CCDC7: variants seen among roughly 807,000 people sequenced by gnomAD.
CCDC7 encodes coiled-coil domain containing 7.
Under a neutral mutation model 196.9 loss-of-function variants are expected in CCDC7, and 183 were observed. That is an observed-to-expected ratio of 0.93 (90% CI 0.82 to 1.05). The LOEUF (loss-of-function observed/expected upper bound fraction) is 1.05, where lower values mean the gene tolerates loss of function less well. CCDC7 is among the 50% of genes least tolerant of loss of function. CCDC7 has a pLI of 0.00. For missense variants in CCDC7, 1,540 were observed against 1,482.2 expected, an observed-to-expected ratio of 1.04 and a Z score of -0.64; for synonymous variants, 525 against 484.6, an observed-to-expected ratio of 1.08 and a Z score of -1.10.
chr10:32,799,017 T>C (rs1056221456), intron 29 of CCDC7, among the ~76,000 whole-genome samples: 12 of 152,168 alleles, frequency 7.9e-5, no homozygotes, highest in Non-Finnish European at 1.6e-4. Context: ...TACTTGTGCC[T>C]TTAGGAGCTG....
chr10:32,855,337 C>T (rs1039859572), intron 41 of CCDC7, among the ~76,000 whole-genome samples: 11 of 151,772 alleles, frequency 7.2e-5, no homozygotes, highest in South Asian at 4.2e-4. Flanking sequence ...ATGATTCAGG[C>T]GCATTACATT....
Position 32,487,180 on chromosome 10 carries a change from C to T in CCDC7, c.797-4742C>T, listed in dbSNP as rs1034067774. Among the ~76,000 whole-genome samples the T allele has an allele frequency of 4.8e-4, 73 of 152,184 alleles. 2 individuals carry two copies. The highest frequency in any genetic ancestry group is 1.4e-3 in the East Asian group (7 of 5,182). ...TCCCATATTTCTTGGAGGCTTTGTT[C>T]GTTTCTTTTTATTCTTTTTTCTCTA... On this transcript the variant is annotated intron_variant, in intron 8 of 41. Transcript: ENST00000639629.
downstream of CCDC7, chr10:32,876,750 T>C (rs867423402): frequency 2.8e-5 from 5 of 179,730 alleles, no homozygotes; most frequent in Non-Finnish European, 4.6e-5. Flanking sequence ...AAAAAATATA[T>C]GACAATAACC....
chr10:32,512,019 T>G, intron 9 of CCDC7: 1 of 389,052 alleles, frequency 2.6e-6, no homozygotes. Context: ...AGACATATTC[T>G]TCAGGATCTT....
chr10:32,777,655 G>A (rs1008716771), intron 28 of CCDC7, among the ~76,000 whole-genome samples: 4 of 151,422 alleles, frequency 2.6e-5, no homozygotes, highest in Non-Finnish European at 2.9e-5. Context: ...TCAAGAGTTC[G>A]AAACCAACCA....
At chr10:32,447,586 G>A (rs1458643522), upstream of CCDC7, among the ~76,000 whole-genome samples, 1 of 152,080 alleles carries the variant, frequency 6.6e-6, no homozygotes, top group African/African-American at 2.4e-5. Flanking sequence ...AAAGCATCGT[G>A]TCACAATCGG....
exon 17 of CCDC7, chr10:32,583,174 A>C (rs1360241565): frequency 3.3e-5 from 41 of 1,231,518 alleles, no homozygotes; most frequent in Non-Finnish European, 4.1e-5. Context: ...TCAGAGACCC[A>C]TGATAAATCA....
chr10:32,722,221 TC>T (rs1481931481), intron 25 of CCDC7, among the ~76,000 whole-genome samples: 1 of 152,114 alleles, frequency 6.6e-6, no homozygotes, highest in Admixed American at 6.6e-5. Context: ...AGAGCAATTT[TC>T]TTTGGGGCTT....
intron 21 of CCDC7, among the ~76,000 whole-genome samples, chr10:32,675,133 T>C (rs2140885656): frequency 6.6e-6 from 1 of 152,228 alleles, no homozygotes; most frequent in Non-Finnish European, 1.5e-5. Flanking sequence ...ACTATTGCAA[T>C]TATATTGTTT....
At chr10:32,834,207 T>C (rs546780443) in intron 32 of CCDC7, among the ~76,000 whole-genome samples, 1 of 152,220 alleles carries the variant, frequency 6.6e-6, no homozygotes, top group East Asian at 1.9e-4. Context: ...GGGCACGTTC[T>C]ACCAGTCCAC....
chr10:32,451,852 A>G (rs754161819), exon 1 of CCDC7: 8 of 1,614,030 alleles, frequency 5.0e-6, no homozygotes, highest in Non-Finnish European at 5.9e-6. Context: ...TGCCCATTCC[A>G]TCGAGTAAGA....
At chr10:32,811,477 C>T (rs11815525) in intron 30 of CCDC7, among the ~76,000 whole-genome samples, 13,050 of 151,994 alleles carry the variant, frequency 0.086, 881 homozygotes, top group South Asian at 0.25. Flanking sequence ...TTAATGGGTA[C>T]TACAAACGTG....
At chr10:32,466,591 A>G (rs978487573) in intron 5 of CCDC7, among the ~76,000 whole-genome samples, 1 of 152,198 alleles carries the variant, frequency 6.6e-6, no homozygotes, top group African/African-American at 2.4e-5. Context: ...TGTTCCTGCA[A>G]AAGACATGAT....
At chr10:32,465,332 A>G (rs2036546269) in intron 5 of CCDC7, among the ~76,000 whole-genome samples, 1 of 152,108 alleles carries the variant, frequency 6.6e-6, no homozygotes, top group Admixed American at 6.6e-5. Flanking sequence ...CTATGCTCTT[A>G]CTTCCCAAAC....
At chr10:32,483,006 A>G (rs2040282494) in intron 8 of CCDC7, among the ~76,000 whole-genome samples, 1 of 152,188 alleles carries the variant, frequency 6.6e-6, no homozygotes, top group South Asian at 2.1e-4. Context: ...TCCTTTGGGT[A>G]TATACCCAGT....
chr10:32,723,378 A>T (rs1290399489), intron 25 of CCDC7, among the ~76,000 whole-genome samples: 1 of 152,272 alleles, frequency 6.6e-6, no homozygotes, highest in East Asian at 1.9e-4. Context: ...CCTTATGAGG[A>T]TGTTTAATTG....
chr10:32,589,278 C>G (rs1000870504), intron 18 of CCDC7, among the ~76,000 whole-genome samples: 1 of 152,146 alleles, frequency 6.6e-6, no homozygotes, highest in African/African-American at 2.4e-5. Context: ...GCTTATTGCA[C>G]TTAACATAAT....
intron 41 of CCDC7, among the ~76,000 whole-genome samples, chr10:32,866,418 A>G (rs1458336006): frequency 6.6e-6 from 1 of 151,846 alleles, no homozygotes; most frequent in Non-Finnish European, 1.5e-5. Context: ...TGAACAAATC[A>G]ATTTAAAAAT....
At chr10:32,740,909 G>C (rs1328546300) in intron 28 of CCDC7, among the ~76,000 whole-genome samples, 1 of 147,426 alleles carries the variant, frequency 6.8e-6, no homozygotes, top group African/African-American at 2.5e-5. Flanking sequence ...AAATTTTTTT[G>C]AATGATGGCT....
Sources: gnomAD v4.1 joint callset for allele counts (sites outside exome capture counted in the v4.1 genomes callset) on GRCh38, gnomAD v4.1.1 for gene constraint, MANE v1.5 for transcripts, NCBI Gene and HGNC (gene_info 2026-07-23, HGNC 2026-07-21) for gene names.